FOXP1: variants seen among roughly 807,000 people sequenced by gnomAD.
FOXP1 encodes the protein forkhead box P1.
Under a neutral mutation model 98.2 loss-of-function variants are expected in FOXP1, and 15 were observed. The ratio of observed to expected loss-of-function variants is 0.15; its 90% CI spans 0.10 to 0.24. FOXP1 has a LOEUF of 0.24. Among genes scored for constraint, FOXP1 ranks in the 10% least tolerant of loss-of-function variants. FOXP1 has a pLI of 1.00. For synonymous variants in FOXP1, 371 were observed against 314.5 expected, an observed-to-expected ratio of 1.18 and a Z score of -1.90; for missense variants, 633 against 848.5, an observed-to-expected ratio of 0.75 and a Z score of 3.15.
intron 6 of FOXP1, among the ~76,000 whole-genome samples, chr3:71,159,808 A>G (rs2061042025): frequency 6.6e-6 from 1 of 152,262 alleles, no homozygotes; most frequent in Non-Finnish European, 1.5e-5. Flanking sequence ...ACTTTATAAC[A>G]CAATAAAATG....
At chr3:71,412,753 C>A (rs1414091488) in intron 3 of FOXP1, among the ~76,000 whole-genome samples, 1 of 152,204 alleles carries the variant, frequency 6.6e-6, no homozygotes, top group Non-Finnish European at 1.5e-5. Context: ...GACTTACCCC[C>A]ACCTCTCCTC....
chr3:71,054,225 A>C (rs2050305785), intron 7 of FOXP1, among the ~76,000 whole-genome samples: 1 of 152,230 alleles, frequency 6.6e-6, no homozygotes, highest in South Asian at 2.1e-4. Flanking sequence ...AAGAACAACC[A>C]ATCAATGCTT....
chr3:71,479,708 AG>A (rs1322279993), intron 3 of FOXP1, among the ~76,000 whole-genome samples: 3 of 151,718 alleles, frequency 2.0e-5, no homozygotes, highest in African/African-American at 7.3e-5. Context: ...AGAAAAGAAA[AG>A]AAAAAAAAAG....
At chr3:71,186,708 TCAAA>T (rs1187574389) in intron 6 of FOXP1, among the ~76,000 whole-genome samples, 1 of 152,176 alleles carries the variant, frequency 6.6e-6, no homozygotes, top group Non-Finnish European at 1.5e-5. Flanking sequence ...AGACTCCGTC[TCAAA>T]CGAACAAACA....
chr3:71,277,995 G>T (rs1200789362), intron 5 of FOXP1, among the ~76,000 whole-genome samples: 3 of 152,028 alleles, frequency 2.0e-5, no homozygotes, highest in Non-Finnish European at 4.4e-5. Flanking sequence ...ATCAAAGCAT[G>T]AGAAAATGAA....
In FOXP1 at chr3:71,440,104, A is replaced by G. The variant is rs527844257; in HGVS notation, c.-168+53322T>C. Among the ~76,000 whole-genome samples the G allele has an allele frequency of 2.0e-5, 3 of 150,916 alleles. No individual in the cohort carries two copies. The East Asian group carries it at 5.8e-4, about 29-fold the overall frequency. On this transcript the variant is annotated intron_variant, in intron 3 of 20. Transcript: ENST00000649528. ...ATCTAGAGTTGTCAAATTCATAGAC[A>G]AAGTAGAATGCTGGTTGCCAGGGGA...
intron 4 of FOXP1, among the ~76,000 whole-genome samples, chr3:71,320,381 GGACA>G (rs1296520627): frequency 2.0e-5 from 3 of 151,542 alleles, no homozygotes; most frequent in Admixed American, 6.6e-5. Context: ...ATTCTACCAC[GGACA>G]GACACTCACA....
At chr3:71,209,081 T>G (rs2064266772) in intron 5 of FOXP1, among the ~76,000 whole-genome samples, 1 of 152,114 alleles carries the variant, frequency 6.6e-6, no homozygotes, top group South Asian at 2.1e-4. Flanking sequence ...GCTTAACTCT[T>G]TACTGGTGAC....
intron 7 of FOXP1, among the ~76,000 whole-genome samples, chr3:71,086,783 G>A (rs963457264): frequency 6.6e-6 from 1 of 152,200 alleles, no homozygotes; most frequent in Non-Finnish European, 1.5e-5. Context: ...AAAGCGATTT[G>A]CTTGATCCAT....
At chr3:71,257,896 T>A (rs141161245) in intron 5 of FOXP1, among the ~76,000 whole-genome samples, 1 of 152,180 alleles carries the variant, frequency 6.6e-6, no homozygotes, top group South Asian at 2.1e-4. Flanking sequence ...ATCTGTAAAA[T>A]GGGGGTAACA....
At chr3:71,272,712 T>C (rs976489485) in intron 5 of FOXP1, among the ~76,000 whole-genome samples, 22 of 152,136 alleles carry the variant, frequency 1.4e-4, no homozygotes, top group African/African-American at 5.1e-4. Flanking sequence ...GAAAAGACAC[T>C]CATATTGTCC....
At chr3:71,459,762 C>A (rs925560293) in intron 3 of FOXP1, among the ~76,000 whole-genome samples, 3 of 152,088 alleles carry the variant, frequency 2.0e-5, no homozygotes, top group Admixed American at 6.5e-5. Flanking sequence ...GACTATATAT[C>A]ATGATTTCAG....
intron 17 of FOXP1, among the ~76,000 whole-genome samples, chr3:70,973,755 A>C (rs1559606767): frequency 6.6e-6 from 1 of 151,740 alleles, no homozygotes; most frequent in Non-Finnish European, 1.5e-5. Context: ...GGGGCTTGAG[A>C]AGTTGATACA....
At chr3:71,119,414 TC>T (rs2058599399) in intron 6 of FOXP1, among the ~76,000 whole-genome samples, 1 of 152,068 alleles carries the variant, frequency 6.6e-6, no homozygotes, top group Non-Finnish European at 1.5e-5. Flanking sequence ...TTTCCTAGAC[TC>T]TCTCCACCCC....
chr3:70,974,119 A>G (rs934324216), intron 17 of FOXP1, among the ~76,000 whole-genome samples: 1 of 152,192 alleles, frequency 6.6e-6, no homozygotes, highest in Non-Finnish European at 1.5e-5. Context: ...TAATGTCAGC[A>G]TAATTGAGGT....
chr3:71,561,354 A>G (rs1305985247), intron 2 of FOXP1, among the ~76,000 whole-genome samples: 1 of 147,584 alleles, frequency 6.8e-6, no homozygotes, highest in Non-Finnish European at 1.5e-5. Flanking sequence ...CCTGAACTGT[A>G]TACTTAAAAT....
intron 2 of FOXP1, among the ~76,000 whole-genome samples, chr3:71,568,263 G>T (rs1164640672): frequency 2.6e-5 from 4 of 152,162 alleles, no homozygotes; most frequent in African/African-American, 9.7e-5. Flanking sequence ...TGAGGAATTT[G>T]AACCCAATTT....
intron 3 of FOXP1, among the ~76,000 whole-genome samples, chr3:71,460,026 C>T (rs771570554): frequency 8.7e-5 from 13 of 149,666 alleles, no homozygotes; most frequent in Admixed American, 6.0e-4. Context: ...CTCTGCCTCC[C>T]GGGTTCACGC....
rs751478414 is a variant in FOXP1 at position 70,978,047 on chromosome 3, A to C, written c.1147-18T>G. ...AGATTCAACTGCAAGGAAAAAAACA[A>C]CGTCTTAGAAGACCTTCAGAAAACC... On this transcript the variant is annotated intron_variant, in intron 14 of 20. Transcript: ENST00000649528. 1 of 1,611,634 alleles carries C rather than the reference A, an allele frequency of 6.2e-7. No homozygotes were observed. Among genetic ancestry groups the C allele is most frequent in the South Asian group, 1.1e-5 (1 of 91,034 alleles).
Sources: gnomAD v4.1 joint callset for allele counts (sites outside exome capture counted in the v4.1 genomes callset) on GRCh38, gnomAD v4.1.1 for gene constraint, MANE v1.5 for transcripts, NCBI Gene and HGNC (gene_info 2026-07-23, HGNC 2026-07-21) for gene names.